SDK1: variants seen among roughly 807,000 people sequenced by gnomAD.
SDK1 encodes the protein protein sidekick-1.
SDK1 carries 157 observed loss-of-function variants against 245.5 expected under a neutral mutation model. That is an observed-to-expected ratio of 0.64 (90% CI 0.56 to 0.73). The LOEUF is 0.73. Among genes scored for constraint, SDK1 ranks in the 30% least tolerant of loss-of-function variants. The probability of loss-of-function intolerance (pLI) is 0.00; values close to 1 mark genes in which losing one functional copy is unlikely to be tolerated. For synonymous variants in SDK1, 1,647 were observed against 1,278.5 expected (o/e 1.29, Z -6.15); for missense variants, 3,583 against 3,002.3 (o/e 1.19, Z -4.52).
At chr7:3,464,694 G>GTATATATATA (rs1408954827) in intron 1 of SDK1, among the ~76,000 whole-genome samples, 82 of 131,578 alleles carry the variant, frequency 6.2e-4, no homozygotes, top group Non-Finnish European at 1.0e-3. Flanking sequence ...CATTGTGTAT[G>GTATATATATA]TATGTATATA....
At chr7:3,802,781 A>G (rs980712082) in intron 4 of SDK1, among the ~76,000 whole-genome samples, 9 of 152,326 alleles carry the variant, frequency 5.9e-5, no homozygotes, top group South Asian at 2.1e-4. Flanking sequence ...AGTTGCATGT[A>G]TCAATGGCTT....
At chr7:3,349,089 T>C (rs1780586439) in intron 1 of SDK1, among the ~76,000 whole-genome samples, 1 of 152,148 alleles carries the variant, frequency 6.6e-6, no homozygotes, top group South Asian at 2.1e-4. Context: ...ACTTCAGTTT[T>C]GTCGTTCTCA....
chr7:4,138,495 C>T (rs1478928566), intron 28 of SDK1, among the ~76,000 whole-genome samples: 1 of 152,104 alleles, frequency 6.6e-6, no homozygotes, highest in Admixed American at 6.5e-5. Context: ...CCTGTAATCC[C>T]AGCACTTTGG....
rs149047770 is a variant in SDK1 at position 3,818,027 on chromosome 7, C to A, written c.714-3423C>A. ...GGTTAGCTTGTTCTTTATGATGTAG[C>A]AGTGTCTTCTCCCGAGCGGCAGCTC... is the stretch of plus-strand genomic sequence containing the variant. On this transcript the variant is annotated intron_variant, in intron 4 of 44. Transcript: ENST00000404826. Among the ~76,000 whole-genome samples the A allele has an allele frequency of 1.7e-3, 263 of 152,336 alleles. 1 individual carries two copies. Among genetic ancestry groups the A allele is most frequent in the African/African-American group, 6.2e-3 (258 of 41,578 alleles).
intron 1 of SDK1, among the ~76,000 whole-genome samples, chr7:3,350,703 T>A (rs1288317173): frequency 6.6e-6 from 1 of 152,202 alleles, no homozygotes; most frequent in African/African-American, 2.4e-5. Context: ...TGATGTCTCA[T>A]CTTTTCCTTC....
intron 4 of SDK1, among the ~76,000 whole-genome samples, chr7:3,653,265 G>C (rs1370765095): frequency 6.6e-6 from 1 of 152,294 alleles, no homozygotes; most frequent in Middle Eastern, 3.4e-3. Flanking sequence ...TCCTTCCTCT[G>C]TGCTTTCCCC....
At chr7:3,750,653 T>G (rs908132845) in intron 4 of SDK1, among the ~76,000 whole-genome samples, 4 of 152,248 alleles carry the variant, frequency 2.6e-5, no homozygotes, top group African/African-American at 4.8e-5. Flanking sequence ...GCGCTCTGAC[T>G]GAACTGATTT....
chr7:3,388,546 C>T (rs575170197), intron 1 of SDK1, among the ~76,000 whole-genome samples: 27 of 152,142 alleles, frequency 1.8e-4, no homozygotes, highest in Admixed American at 1.6e-3. Flanking sequence ...TATTAAATCT[C>T]ATTTAGAAAA....
chr7:3,678,559 A>C (rs560512610), intron 4 of SDK1, among the ~76,000 whole-genome samples: 1 of 152,368 alleles, frequency 6.6e-6, no homozygotes, highest in Non-Finnish European at 1.5e-5. Context: ...TTTCACTTAC[A>C]TGAGGTCTCT....
Position 4,260,844 on chromosome 7 carries a change from G to A in SDK1, c.6382-4280G>A, listed in dbSNP as rs573643411. 3.4e-4 allele frequency among the ~76,000 whole-genome samples: 51 copies of A among 151,238 alleles called. 1 individual carries two copies. The highest frequency in any genetic ancestry group is 1.1e-3 in the African/African-American group (47 of 41,120). On this transcript the variant is annotated intron_variant, in intron 44 of 44. Transcript: ENST00000404826. ...GCTGCTCCGGGGTCTCTGCATGTGT[G>A]GGAGGATGTGTTCATCGTCACCTGA...
intron 29 of SDK1, among the ~76,000 whole-genome samples, chr7:4,148,840 G>A (rs528977741): frequency 6.6e-5 from 10 of 152,160 alleles, no homozygotes; most frequent in Non-Finnish European, 1.0e-4. Context: ...GGCGGATCAC[G>A]AGGTCAAGAG....
chr7:3,934,252 C>G (rs1369335009), intron 5 of SDK1, among the ~76,000 whole-genome samples: 1 of 152,090 alleles, frequency 6.6e-6, no homozygotes, highest in East Asian at 1.9e-4. Context: ...GACTGTGACC[C>G]CCTTCCCTCT....
intron 5 of SDK1, among the ~76,000 whole-genome samples, chr7:3,894,193 A>G (rs938610147): frequency 1.3e-5 from 2 of 152,246 alleles, no homozygotes; most frequent in Non-Finnish European, 2.9e-5. Context: ...ATTTTAATGT[A>G]CTACCGATGG....
At position 3,727,570 on chromosome 7, in the gene SDK1, A is replaced by T. The variant is rs186788293; in HGVS notation, c.713+85465A>T. 2.8e-4 allele frequency among the ~76,000 whole-genome samples: 42 copies of T among 152,114 alleles called. 1 individual carries two copies. In the East Asian group the frequency reaches 8.1e-3, roughly 29 times the overall value. ...CAGTGGCGCCATCTTGGCTCATGGC[A>T]ACCTCCACCTCCTGGGTTCAAGCAA... On this transcript the variant is annotated intron_variant, in intron 4 of 44. Coordinates refer to ENST00000404826, the MANE Select transcript of SDK1 (RefSeq NM_152744.4).
In SDK1 at chr7:4,174,765, G is replaced by A. The variant is rs114346397; in HGVS notation, c.4936+408G>A. 3.3e-3 allele frequency among the ~76,000 whole-genome samples: 496 copies of A among 152,264 alleles called. 4 individuals are homozygous for A. Among genetic ancestry groups the A allele is most frequent in the African/African-American group, 0.012 (479 of 41,550 alleles). The stretch of plus-strand genomic sequence containing the variant: ...AGACAGCCTCAGCGTGGAGCCCATG[G>A]TGCTCACCCCCGGGCTGATTTTGGC... On this transcript the variant is annotated intron_variant, in intron 33 of 44. Coordinates refer to ENST00000404826, the MANE Select transcript of SDK1 (RefSeq NM_152744.4).
intron 1 of SDK1, among the ~76,000 whole-genome samples, chr7:3,322,848 C>T (rs1000573370): frequency 2.0e-5 from 3 of 152,114 alleles, no homozygotes; most frequent in Admixed American, 6.5e-5. Context: ...CTGTCTCTGT[C>T]GCCCAGGCTG....
At chr7:3,943,714 A>AT (rs1467459292) in intron 5 of SDK1, among the ~76,000 whole-genome samples, 7 of 151,416 alleles carry the variant, frequency 4.6e-5, no homozygotes, top group Admixed American at 2.0e-4. Flanking sequence ...TTTGAACTTT[A>AT]TTTTTTTTCT....
At chr7:3,728,930 T>G (rs10238743) in intron 4 of SDK1, among the ~76,000 whole-genome samples, 27,958 of 151,712 alleles carry the variant, frequency 0.18, 3,587 homozygotes, top group African/African-American at 0.35. Context: ...GAGACCTATC[T>G]CTCTAAAAAA....
chr7:4,245,574 C>G (rs1786796211), intron 43 of SDK1, 102 bp from the exon 44 acceptor site: 1 of 1,387,224 alleles, frequency 7.2e-7, no homozygotes, highest in Non-Finnish European at 9.9e-7. Flanking sequence ...TGTGGGTTTC[C>G]TCTTAGTCCA....
Sources: allele counts gnomAD v4.1 joint callset (sites outside exome capture counted in the v4.1 genomes callset), GRCh38; gene constraint gnomAD v4.1.1; transcripts MANE v1.5; gene names NCBI Gene and HGNC (gene_info 2026-07-23, HGNC 2026-07-21).